Variants in LY6E observed in about 807,000 individuals in gnomAD.
LY6E encodes the protein lymphocyte antigen 6E.
In LY6E, 4 loss-of-function variants were observed where a neutral mutation model predicts 7.7. The ratio of observed to expected loss-of-function variants is 0.52; its 90% CI spans 0.25 to 1.18. The LOEUF (loss-of-function observed/expected upper bound fraction) is 1.18. Among genes scored for constraint, LY6E ranks in the 50% most tolerant of loss-of-function variants. The probability of loss-of-function intolerance (pLI) is 0.14; values close to 1 mark genes in which losing one functional copy is unlikely to be tolerated. For synonymous variants in LY6E, 81 were observed against 80.1 expected (o/e 1.01, Z -0.06); for missense variants, 156 against 168.0 (o/e 0.93, Z 0.40).
Position 143,021,936 on chromosome 8 carries a change from C to G in LY6E, c.*147C>G. On this transcript the variant is annotated 3_prime_UTR_variant, in exon 4 of 4. Transcript: ENST00000292494. ...TCAGGCCCACCCCCTGCACCTCCACCTGCCCCAGCCCCTGCCTCTGCCCCA... is the reference window on the plus strand; with the variant it reads ...TCAGGCCCACCCCCTGCACCTCCACGTGCCCCAGCCCCTGCCTCTGCCCCA... 1 of 698,326 alleles carries G rather than the reference C, an allele frequency of 1.4e-6. No individual in the cohort carries two copies. Among genetic ancestry groups the G allele is most frequent in the Non-Finnish European group, 2.3e-6 (1 of 426,638 alleles). 43.3% of individuals were successfully genotyped at this position (698,326 alleles called of 1,614,324 possible).
At chr8:143,020,783 T>C (rs2130451875) in intron 1 of LY6E, 100 bp from the exon 2 acceptor site, 2 of 654,908 alleles carry the variant, frequency 3.1e-6, no homozygotes, top group East Asian at 5.4e-5. Flanking sequence ...GGCAGGTCCC[T>C]TCCCCTCTGC....
Position 143,021,926 on chromosome 8 carries a change from G to C in LY6E, c.*137G>C. 1.3e-6 allele frequency: 1 copy of C among 755,792 alleles called. No homozygotes were observed. The highest frequency in any genetic ancestry group is 1.8e-5 in the South Asian group (1 of 54,298). 46.8% of individuals were successfully genotyped at this position (755,792 alleles called of 1,614,324 possible). A position where few individuals can be genotyped will look rare whatever the true frequency, so the allele number is the denominator to read the frequency against. On this transcript the variant is annotated 3_prime_UTR_variant, in exon 4 of 4. Coordinates refer to ENST00000292494, the MANE Select transcript of LY6E (RefSeq NM_002346.3). ...TGGTCCCAGGTCAGGCCCACCCCCT[G>C]CACCTCCACCTGCCCCAGCCCCTGC...
rs148728376 is a variant in LY6E at position 143,021,655 on chromosome 8, A to T, written c.262A>T (p.Met88Leu). 4.6e-5 allele frequency: 74 copies of T among 1,613,726 alleles called. No homozygotes were observed. The Middle Eastern group carries it at 6.6e-4, about 14-fold the overall frequency. ...AGGCGTCAATGTTGGTGTGGCTTCC[A>T]TGGGCATCAGCTGCTGCCAGAGCTT... ...PEGVNVGVAS[M>L]GISCCQSFLC... Residue 88 changes from methionine (M) to leucine (L), a missense_variant, in exon 4 of 4, where the codon ATG becomes TTG. Physicochemically the swap from Met to Leu is conservative, Grantham distance 15. Coordinates refer to ENST00000292494, the MANE Select transcript of LY6E (RefSeq NM_002346.3).
chr8:143,021,735 G>GGGTGCCGGGCTGCTGCTGAGCCT lies in LY6E; in HGVS notation c.344_366dup (p.Leu123ValfsTer6). On this transcript the variant is annotated frameshift_variant, in exon 4 of 4. Coordinates refer to ENST00000292494, the MANE Select transcript of LY6E (RefSeq NM_002346.3). LOFTEE classifies it high-confidence loss of function. ...GGCTGCGGGCAAGCGTCACCCTGCT[G>GGGTGCCGGGCTGCTGCTGAGCCT]GGTGCCGGGCTGCTGCTGAGCCTGC... The GGGTGCCGGGCTGCTGCTGAGCCT allele has an allele frequency of 6.2e-7, 1 of 1,612,712 alleles. No homozygotes were observed. The highest frequency in any genetic ancestry group is 8.5e-7 in the Non-Finnish European group (1 of 1,179,932).
chr8:143,021,639 T>C lies in LY6E; in HGVS notation c.246T>C (p.Asn82=). Residue 82 remains asparagine (N), a synonymous_variant, in exon 4 of 4, where the codon AAT becomes AAC. Coordinates refer to ENST00000292494, the MANE Select transcript of LY6E (RefSeq NM_002346.3). ...SPACPIPEGV[N]VGVASMGISC... is the part of the protein sequence containing the mutation. ...CCTGCCCCATCCCAGAAGGCGTCAA[T>C]GTTGGTGTGGCTTCCATGGGCATCA... is the stretch of plus-strand genomic sequence containing the variant. 3 of 1,613,934 alleles carry C rather than the reference T, an allele frequency of 1.9e-6. No homozygotes were observed. The highest frequency in any genetic ancestry group is 2.5e-6 in the Non-Finnish European group (3 of 1,180,004).
chr8:143,020,807 A>C (rs922491629), intron 1 of LY6E, 76 bp from the exon 2 acceptor site: 1 of 758,642 alleles, frequency 1.3e-6, no homozygotes, highest in African/African-American at 1.7e-5. Flanking sequence ...CTGTGTCCTC[A>C]TCTGCAAAGT....
intron 1 of LY6E, chr8:143,019,085 C>A (rs1008782787): frequency 6.6e-6 from 1 of 152,560 alleles, no homozygotes; most frequent in Non-Finnish European, 1.5e-5. Context: ...TGGAACCCGC[C>A]CCCGCTTCTT....
In LY6E at chr8:143,021,299, GTCC is replaced by G; in HGVS notation, c.53-10_53-8del. The G allele has an allele frequency of 1.9e-6, 3 of 1,611,288 alleles. No individual in the cohort carries two copies. The highest frequency in any genetic ancestry group is 2.5e-6 in the Non-Finnish European group (3 of 1,179,302). ...CTGGAGGCTTCCCTGAGACAGGTGT[GTCC>G]TCCTTCCGCAGCCAGCTCGCTGATG... is the stretch of plus-strand genomic sequence containing the variant. On this transcript the variant is annotated splice_polypyrimidine_tract_variant and intron_variant, in intron 2 of 3. Transcript: ENST00000292494.
At chr8:143,021,056 C>G (rs1819207610) in intron 2 of LY6E, 65 bp downstream of exon 2, 1 of 1,571,216 alleles carries the variant, frequency 6.4e-7, no homozygotes, top group South Asian at 1.1e-5. Flanking sequence ...CCTCTCCACC[C>G]CTCTCCCCTG....
In LY6E at chr8:143,021,892, C is replaced by A. The variant is rs1039648872; in HGVS notation, c.*103C>A. On this transcript the variant is annotated 3_prime_UTR_variant, in exon 4 of 4. Transcript: ENST00000292494. ...GCCCCTGACTCCTCACGTGCCTGATCTGTGCCCTTGGTCCCAGGTCAGGCC... is the reference window on the plus strand; with the variant it reads ...GCCCCTGACTCCTCACGTGCCTGATATGTGCCCTTGGTCCCAGGTCAGGCC... The A allele has an allele frequency of 1.8e-6, 2 of 1,099,312 alleles. No individual in the cohort carries two copies. Among genetic ancestry groups the A allele is most frequent in the Non-Finnish European group, 2.6e-6 (2 of 784,210 alleles). The allele number at this position is 1,099,312 out of a possible 1,614,324, so 68.1% of individuals were successfully genotyped here.
intron 1 of LY6E, 139 bp from the exon 2 acceptor site, chr8:143,020,744 G>A: frequency 1.6e-6 from 1 of 609,150 alleles, no homozygotes; most frequent in Admixed American, 2.8e-5. Context: ...GAGTGGGTCA[G>A]GAGAGAAGCA....
intron 1 of LY6E, 137 bp from the exon 2 acceptor site, chr8:143,020,746 A>C: frequency 1.6e-6 from 1 of 609,090 alleles, no homozygotes; most frequent in Non-Finnish European, 2.9e-6. Context: ...GTGGGTCAGG[A>C]GAGAAGCAGG....
rs535909345 is a variant in LY6E, at chr8:143,021,423, T to G, written c.162T>G (p.Ser54Arg). The change falls in exon 3 of 4, where the codon AGT becomes AGG. Residue 54 changes from serine (S) to arginine (R), a missense_variant. Coordinates refer to ENST00000292494, the MANE Select transcript of LY6E (RefSeq NM_002346.3). ...ACTACTGCGTGACTGTGTCTGCTAG[T>G]GCCGGCATTGGTGAGTGCCAGGCCT... Reference protein sequence around the residue: ...QDNYCVTVSASAGIGNLVTFG... With the variant: ...QDNYCVTVSARAGIGNLVTFG... The G allele has an allele frequency of 6.2e-7, 1 of 1,613,970 alleles. No individual in the cohort carries two copies. The highest frequency in any genetic ancestry group is 1.3e-5 in the African/African-American group (1 of 75,052).
At chr8:143,019,119 G>A (rs952710673) in intron 1 of LY6E, 1 of 152,424 alleles carries the variant, frequency 6.6e-6, no homozygotes, top group African/African-American at 2.4e-5. Context: ...TGGTGCTTGC[G>A]GTGAGGTCCA....
intron 1 of LY6E, among the ~76,000 whole-genome samples, chr8:143,019,660 T>C (rs1819167965): frequency 6.6e-6 from 1 of 152,150 alleles, no homozygotes; most frequent in Non-Finnish European, 1.5e-5. Flanking sequence ...TCAGCCCAGG[T>C]CTCACTGTCC....
In LY6E at chr8:143,021,350, A is replaced by G. The variant is rs762665721; in HGVS notation, c.89A>G (p.Lys30Arg). 4 of 1,613,882 alleles carry G rather than the reference A, an allele frequency of 2.5e-6. No individual in the cohort carries two copies. Among genetic ancestry groups the G allele is most frequent in the Admixed American group, 1.7e-5 (1 of 60,004 alleles). ...SLMCFSCLNQ[K>R]SNLYCLKPTI... is the part of the protein sequence containing the mutation. The stretch of plus-strand genomic sequence containing the variant: ...ATGTGCTTCTCCTGCTTGAACCAGA[A>G]GAGCAATCTGTACTGCCTGAAGCCG... The change falls in exon 3 of 4, where the codon AAG becomes AGG. Residue 30 changes from lysine to arginine, a missense_variant. Coordinates refer to ENST00000292494, the MANE Select transcript of LY6E (RefSeq NM_002346.3).
chr8:143,021,537 C>G (rs770752624), intron 3 of LY6E, 29 bp from the exon 4 acceptor site: 5 of 1,613,054 alleles, frequency 3.1e-6, no homozygotes, highest in Non-Finnish European at 4.2e-6. Flanking sequence ...CCGTCTGTCT[C>G]TCCCCTGACA....
intron 1 of LY6E, chr8:143,018,793 G>C (rs1331717651): frequency 6.6e-6 from 1 of 152,362 alleles, no homozygotes; most frequent in Non-Finnish European, 1.5e-5. Context: ...CCGGTGGGTT[G>C]GTCCCCAGAG....
Position 143,021,884 on chromosome 8 carries a change from T to C in LY6E, c.*95T>C. 1 of 1,145,860 alleles carries C rather than the reference T, an allele frequency of 8.7e-7. No individual in the cohort carries two copies. Among genetic ancestry groups the C allele is most frequent in the Non-Finnish European group, 1.2e-6 (1 of 823,180 alleles). The allele number at this position is 1,145,860 out of a possible 1,614,324, so 71.0% of individuals were successfully genotyped here. Reference sequence around the variant, plus strand: ...GTATGGGAGCCCCTGACTCCTCACGTGCCTGATCTGTGCCCTTGGTCCCAG... The same window carrying C: ...GTATGGGAGCCCCTGACTCCTCACGCGCCTGATCTGTGCCCTTGGTCCCAG... On this transcript the variant is annotated 3_prime_UTR_variant, in exon 4 of 4. Coordinates refer to ENST00000292494, the MANE Select transcript of LY6E (RefSeq NM_002346.3).
Sources: gnomAD v4.1 joint callset for allele counts (sites outside exome capture counted in the v4.1 genomes callset) on GRCh38, gnomAD v4.1.1 for gene constraint, MANE v1.5 for transcripts, NCBI Gene and HGNC (gene_info 2026-07-23, HGNC 2026-07-21) for gene names.